The following USP36 variants were observed in gnomAD, a reference collection of about 807,000 sequenced individuals.
The protein encoded by USP36 is ubiquitin carboxyl-terminal hydrolase 36.
A neutral mutation model predicts 111.5 loss-of-function variants in USP36; 59 were observed. The observed-to-expected ratio is 0.53, with a 90% CI of 0.43 to 0.66. The LOEUF (loss-of-function observed/expected upper bound fraction) is 0.66, where lower values mean the gene tolerates loss of function less well. Ranked by LOEUF, USP36 falls within the 30% of genes least tolerant of loss-of-function variation. The probability of loss-of-function intolerance (pLI) is 0.00; values close to 1 mark genes in which losing one functional copy is unlikely to be tolerated. For synonymous variants in USP36, 628 were observed against 581.0 expected, an observed-to-expected ratio of 1.08 and a Z score of -1.16; for missense variants, 1,488 against 1,468.0, an observed-to-expected ratio of 1.01 and a Z score of -0.22.
At chr17:78,812,742 C>T in intron 13 of USP36, 118 bp downstream of exon 13, 2 of 552,124 alleles carry the variant, frequency 3.6e-6, no homozygotes, top group Non-Finnish European at 6.0e-6. Context: ...ATAACATCAA[C>T]TAGAATAGTG....
Position 78,806,944 on chromosome 17 carries a change from C to G in USP36, c.2085+15G>C, listed in dbSNP as rs372368137. On this transcript the variant is annotated intron_variant, in intron 14 of 20. Coordinates refer to ENST00000449938, the MANE Select transcript of USP36 (RefSeq NM_001385174.1). Reference sequence around the variant, plus strand: ...CTCCTGATACACAGCAGCGGCGAGACCCCCACACACCCACCTTCTTGGCAG... The same window carrying G: ...CTCCTGATACACAGCAGCGGCGAGAGCCCCACACACCCACCTTCTTGGCAG... 354 of 1,612,476 alleles carry G rather than the reference C, an allele frequency of 2.2e-4. 1 individual carries two copies. The South Asian group carries it at 3.2e-3, about 15-fold the overall frequency.
intron 3 of USP36, 119 bp downstream of exon 3, chr17:78,835,992 A>T: frequency 7.0e-7 from 1 of 1,437,652 alleles, no homozygotes; most frequent in Admixed American, 2.3e-5. Flanking sequence ...CCCATGTAAA[A>T]ATTCATAACT....
intron 10 of USP36, among the ~76,000 whole-genome samples, chr17:78,817,246 C>A (rs1244039807): frequency 1.3e-5 from 2 of 152,206 alleles, no homozygotes; most frequent in African/African-American, 4.8e-5. Context: ...GATGTTCACA[C>A]AGTGACAGAA....
chr17:78,812,619 G>A (rs1288662046), intron 13 of USP36, among the ~76,000 whole-genome samples: 1 of 150,620 alleles, frequency 6.6e-6, no homozygotes, highest in East Asian at 1.9e-4. Flanking sequence ...GAACCCGGGA[G>A]GCAGAGCTTG....
chr17:78,831,574 A>T (rs1451991904), intron 4 of USP36, among the ~76,000 whole-genome samples: 1 of 152,066 alleles, frequency 6.6e-6, no homozygotes, highest in East Asian at 1.9e-4. Context: ...GACTGTGGCA[A>T]CTGCACTCCA....
chr17:78,839,153 G>T (rs1395652086), intron 1 of USP36, among the ~76,000 whole-genome samples: 1 of 152,186 alleles, frequency 6.6e-6, no homozygotes, highest in East Asian at 1.9e-4. Context: ...TTTGCTAAGT[G>T]TGGATTTTCT....
At chr17:78,829,558 C>T (rs748484424) in intron 4 of USP36, among the ~76,000 whole-genome samples, 3 of 152,280 alleles carry the variant, frequency 2.0e-5, no homozygotes, top group African/African-American at 7.2e-5. Flanking sequence ...CCTTTCCTAT[C>T]TGAGGGCTAT....
At chr17:78,829,980 C>T (rs1012475481) in intron 4 of USP36, among the ~76,000 whole-genome samples, 3 of 152,174 alleles carry the variant, frequency 2.0e-5, no homozygotes, top group African/African-American at 7.2e-5. Flanking sequence ...ACCTTGTGAT[C>T]CACCTGCCTC....
At chr17:78,835,019 T>TATATATATATATATATA (rs1567972760) in intron 4 of USP36, among the ~76,000 whole-genome samples, 5 of 122,140 alleles carry the variant, frequency 4.1e-5, no homozygotes, top group African/African-American at 1.8e-4. Context: ...ATATATATAT[T>TATATATATATATATATA]TTGGAAGTAT....
At chr17:78,791,127 TTC>T (rs1567897129), downstream of USP36, among the ~76,000 whole-genome samples, 8 of 141,656 alleles carry the variant, frequency 5.6e-5, no homozygotes, top group African/African-American at 2.1e-4. Flanking sequence ...CAATCTGGCC[TTC>T]TTTTTTTTTT....
Position 78,803,329 on chromosome 17 carries a change from G to A in USP36, c.2810+56C>T, listed in dbSNP as rs1598983836. 1 of 1,549,848 alleles carries A rather than the reference G, an allele frequency of 6.5e-7. No homozygotes were observed. Among genetic ancestry groups the A allele is most frequent in the Non-Finnish European group, 8.8e-7 (1 of 1,137,602 alleles). ...TACCTACTTGGGGGTAGATTCTGTG[G>A]TTTTGCTTTGTTTCTCGTCAGAGGT... On this transcript the variant is annotated intron_variant, in intron 16 of 20. Coordinates refer to ENST00000449938, the MANE Select transcript of USP36 (RefSeq NM_001385174.1). The surrounding 1 kb of genome is among the most constrained non-coding windows in gnomAD (Gnocchi z 4.6).
chr17:78,822,085 C>T, intron 6 of USP36, 81 bp from the exon 7 acceptor site: 3 of 1,513,468 alleles, frequency 2.0e-6, no homozygotes, highest in East Asian at 4.5e-5. Flanking sequence ...AGCCCCATGC[C>T]CACCAGTCAC....
At position 78,806,160 on chromosome 17, in the gene USP36, C is replaced by T; in HGVS notation, c.2212G>A (p.Ala738Thr). Residue 738 changes from alanine (A) to threonine (T), a missense_variant, in exon 15 of 21, where the codon GCC (alanine) becomes ACC (threonine). Transcript: ENST00000449938. ...VVASTWPVHR[A>T]RAVSPAPQSS... is the part of the protein sequence containing the mutation. ...AGATCCCGGCCCAAAGCTTACCTGGCTCTATGGACGGGCCAAGTGGAGGCA... is the reference window on the plus strand; with the variant it reads ...AGATCCCGGCCCAAAGCTTACCTGGTTCTATGGACGGGCCAAGTGGAGGCA... The T allele has an allele frequency of 1.2e-6, 2 of 1,613,372 alleles. No individual in the cohort carries two copies. The highest frequency in any genetic ancestry group is 2.2e-5 in the East Asian group (1 of 44,876).
In USP36 at chr17:78,803,746, C is replaced by T. The variant is rs1421167498; in HGVS notation, c.2449G>A (p.Val817Met). The T allele has an allele frequency of 6.2e-6, 10 of 1,612,458 alleles. No homozygotes were observed. The highest frequency in any genetic ancestry group is 8.5e-6 in the Non-Finnish European group (10 of 1,179,952). The change falls in exon 16 of 21, where the codon GTG becomes ATG. Residue 817 changes from valine (V) to methionine (M), a missense_variant. Physicochemically the swap from Val to Met is conservative, Grantham distance 21. Transcript: ENST00000449938. The surrounding 1 kb of genome is among the most constrained non-coding windows in gnomAD (Gnocchi z 4.6). ...SPSEKRKKTF[V>M]GEPQRLGSET... ...GAGCCCAGCCTCTGCGGCTCTCCCA[C>T]AAAGGTCTTTTTCCTCTTCTCAGAG...
chr17:78,804,555 G>A (rs1229088604), intron 15 of USP36, among the ~76,000 whole-genome samples: 1 of 140,068 alleles, frequency 7.1e-6, no homozygotes, highest in South Asian at 2.2e-4. Flanking sequence ...AACCACCATG[G>A]CACCTCTGTA....
rs1296114092 is a variant in USP36 at position 78,803,906 on chromosome 17, G to C, written c.2289C>G (p.Ser763=). 1.2e-6 allele frequency: 2 copies of C among 1,609,756 alleles called. No homozygotes were observed. The highest frequency in any genetic ancestry group is 1.3e-5 in the African/African-American group (1 of 74,562). The change falls in exon 16 of 21, where the codon TCC becomes TCG. Residue 763 remains serine (S), a synonymous_variant. Transcript: ENST00000449938. This position sits in a 1 kb window ranked among gnomAD's most constrained non-coding sequence, Gnocchi z 4.6. ...ACGTCCCTGGGGGCTTGGGGGTACTGGACAGCAATGTGGGGTGGGGGCTGA... is the reference window on the plus strand; with the variant it reads ...ACGTCCCTGGGGGCTTGGGGGTACTCGACAGCAATGTGGGGTGGGGGCTGA... ...PPFSPHPTLL[S]STPKPPGTSE...
chr17:78,793,764 G>C (rs1191420005), downstream of USP36, among the ~76,000 whole-genome samples: 8 of 152,130 alleles, frequency 5.3e-5, no homozygotes, highest in African/African-American at 2.4e-5. Context: ...TTACAGTTAT[G>C]ATGAGCCCTA....
At chr17:78,814,385 G>A (rs1275636931) in intron 11 of USP36, 27 bp downstream of exon 11, 2 of 1,612,398 alleles carry the variant, frequency 1.2e-6, no homozygotes, top group South Asian at 1.1e-5. Flanking sequence ...GTCCCAGGAG[G>A]CAGCTGCACT....
In USP36 at chr17:78,805,874, C is replaced by T. The variant is rs61651919; in HGVS notation, c.2216+282G>A. Among the ~76,000 whole-genome samples the T allele has an allele frequency of 4.3e-3, 657 of 152,320 alleles. 7 individuals are homozygous for T. The highest frequency in any genetic ancestry group is 0.015 in the African/African-American group (620 of 41,568). ...ACAGGACAGGTCAGTCCCCAGCACA[C>T]CACATCACCACAAGGATGTCGCAGA... On this transcript the variant is annotated intron_variant, in intron 15 of 20. Transcript: ENST00000449938.
Sources: allele counts gnomAD v4.1 joint callset (sites outside exome capture counted in the v4.1 genomes callset), GRCh38; gene constraint gnomAD v4.1.1; non-coding constraint Gnocchi (gnomAD v3.1); transcripts MANE v1.5; gene names NCBI Gene and HGNC (gene_info 2026-07-23, HGNC 2026-07-21).